The following ZNF704 variants were observed in gnomAD, a reference collection of about 807,000 sequenced individuals.
ZNF704 encodes glucocorticoid induced gene 1.
A neutral mutation model predicts 44.7 loss-of-function variants in ZNF704; 10 were observed. That is an observed-to-expected ratio of 0.22 (90% CI 0.14 to 0.38). ZNF704 has a LOEUF of 0.38. ZNF704 is among the 10% of genes least tolerant of loss of function. The pLI, the probability that ZNF704 is intolerant of heterozygous loss-of-function variation, is 1.00. For missense variants in ZNF704, 390 were observed against 545.5 expected, an observed-to-expected ratio of 0.71 and a Z score of 2.84; for synonymous variants, 211 against 207.6, an observed-to-expected ratio of 1.02 and a Z score of -0.14.
chr8:80,808,666 G>GGAATTC (rs1223534408), intron 2 of ZNF704, among the ~76,000 whole-genome samples: 37 of 152,298 alleles, frequency 2.4e-4, no homozygotes. Context: ...TACAAATGTG[G>GGAATTC]TGCAGCTGTC....
At chr8:80,811,790 C>A (rs567097872) in intron 2 of ZNF704, among the ~76,000 whole-genome samples, 3 of 152,164 alleles carry the variant, frequency 2.0e-5, no homozygotes, top group Non-Finnish European at 4.4e-5. Context: ...TCACCCCCAA[C>A]CCAAGAGTCT....
intron 5 of ZNF704, 64 bp from the exon 6 acceptor site, chr8:80,665,146 C>A: frequency 6.4e-7 from 1 of 1,555,856 alleles, no homozygotes; most frequent in Admixed American, 1.7e-5. Context: ...TGAAATCTTG[C>A]ACATGCATTT....
At chr8:80,674,890 T>TAC (rs1477794172) in intron 4 of ZNF704, among the ~76,000 whole-genome samples, 1 of 152,130 alleles carries the variant, frequency 6.6e-6, no homozygotes, top group African/African-American at 2.4e-5. Context: ...CAAGCAAAAA[T>TAC]ACACGTACCC....
At chr8:80,642,530 C>T (rs540499954) in intron 8 of ZNF704, among the ~76,000 whole-genome samples, 4 of 152,306 alleles carry the variant, frequency 2.6e-5, no homozygotes, top group Admixed American at 1.3e-4. Context: ...TTTCATCACA[C>T]TACTCAGAAT....
intron 2 of ZNF704, among the ~76,000 whole-genome samples, chr8:80,768,586 C>A (rs1000269431): frequency 6.6e-6 from 1 of 152,136 alleles, no homozygotes; most frequent in African/African-American, 2.4e-5. Context: ...AGGGATTAGG[C>A]AGTAACTCAA....
intron 2 of ZNF704, among the ~76,000 whole-genome samples, chr8:80,762,869 CT>C (rs1394596535): frequency 6.6e-6 from 1 of 152,226 alleles, no homozygotes; most frequent in Non-Finnish European, 1.5e-5. Flanking sequence ...TGGATAAATG[CT>C]CCCATTCCAA....
In ZNF704 at chr8:80,669,670, G is replaced by A. The variant is rs532589535; in HGVS notation, c.659+833C>T. 4.6e-5 allele frequency among the ~76,000 whole-genome samples: 7 copies of A among 152,276 alleles called. No homozygotes were observed. The East Asian group carries it at 1.2e-3, about 25-fold the overall frequency. On this transcript the variant is annotated intron_variant, in intron 5 of 8. Transcript: ENST00000327835. ...TTCTCTGCACTTATCTTGTGGAAAG[G>A]ACTCCTCTGTGTCCAAGCACACAGG...
chr8:80,830,518 G>A (rs1808451751), intron 1 of ZNF704, among the ~76,000 whole-genome samples: 1 of 152,274 alleles, frequency 6.6e-6, no homozygotes, highest in East Asian at 1.9e-4. Context: ...TTTTTGGGGT[G>A]ATGGAAATGT....
intron 6 of ZNF704, among the ~76,000 whole-genome samples, 192 bp from the exon 7 acceptor site, chr8:80,659,881 C>T (rs1300483307): frequency 6.6e-6 from 1 of 152,054 alleles, no homozygotes; most frequent in East Asian, 1.9e-4. Flanking sequence ...TATACCTAAG[C>T]AAGCTATCTA....
intron 2 of ZNF704, among the ~76,000 whole-genome samples, chr8:80,806,126 G>A (rs901362308): frequency 4.6e-5 from 7 of 152,184 alleles, no homozygotes; most frequent in African/African-American, 1.2e-4. Flanking sequence ...ACAGAAAGTC[G>A]TGCATGATGA....
At chr8:80,727,577 C>A (rs1048422761) in intron 2 of ZNF704, among the ~76,000 whole-genome samples, 1 of 151,860 alleles carries the variant, frequency 6.6e-6, no homozygotes, top group Non-Finnish European at 1.5e-5. Context: ...TCTTGTTTGG[C>A]GCAGGCAGGC....
Position 80,629,165 on chromosome 8 carries a change from T to C in ZNF704, c.*12201A>G, listed in dbSNP as rs1817546732. The C allele has an allele frequency of 1.3e-5, 2 of 152,094 alleles. No homozygotes were observed. The highest frequency in any genetic ancestry group is 6.6e-5 in the Admixed American group (1 of 15,266). 9.4% of individuals were successfully genotyped at this position (152,094 alleles called of 1,614,324 possible). A position where few individuals can be genotyped will look rare whatever the true frequency, so the allele number is the denominator to read the frequency against. On this transcript the variant is annotated 3_prime_UTR_variant, in exon 9 of 9. Transcript: ENST00000327835. The stretch of plus-strand genomic sequence containing the variant: ...CAACATCATTTAAACATTCAACAAA[T>C]CTATGTACAATGTGCCAGAAGCTGG...
At chr8:80,760,388 T>C (rs764099306) in intron 2 of ZNF704, among the ~76,000 whole-genome samples, 1 of 152,108 alleles carries the variant, frequency 6.6e-6, no homozygotes, top group Non-Finnish European at 1.5e-5. Context: ...CCGGGCACGG[T>C]GGCTCACACC....
At position 80,844,585 on chromosome 8, in the gene ZNF704, C is replaced by T. The variant is rs73264428; in HGVS notation, c.-21-22970G>A. Among the ~76,000 whole-genome samples, 402 of 152,200 alleles carry T rather than the reference C, an allele frequency of 2.6e-3. 2 individuals are homozygous for T. Among genetic ancestry groups the T allele is most frequent in the African/African-American group, 9.1e-3 (378 of 41,528 alleles). On this transcript the variant is annotated intron_variant, in intron 1 of 8. Transcript: ENST00000327835. The stretch of plus-strand genomic sequence containing the variant: ...TCCCTACCACAACAACCAGATAGGG[C>T]GGAGCAGGTGGCTTTACCATTACAC...
intron 7 of ZNF704, chr8:80,658,657 T>C (rs541016006): frequency 1.1e-4 from 17 of 152,258 alleles, no homozygotes; most frequent in Non-Finnish European, 2.2e-4. Context: ...CCTCTAGCAG[T>C]ATGCTTTTTA....
intron 7 of ZNF704, among the ~76,000 whole-genome samples, chr8:80,652,157 C>A (rs1381478683): frequency 6.6e-6 from 1 of 152,180 alleles, no homozygotes; most frequent in Non-Finnish European, 1.5e-5. Flanking sequence ...CTCTGGGTCA[C>A]ATTCAAAGCA....
chr8:80,707,343 TA>T (rs1216396007), intron 2 of ZNF704, among the ~76,000 whole-genome samples: 4 of 152,254 alleles, frequency 2.6e-5, no homozygotes, highest in Admixed American at 2.6e-4. Context: ...GTATTTCCTT[TA>T]TAATATAGAG....
intron 2 of ZNF704, among the ~76,000 whole-genome samples, chr8:80,751,525 T>C (rs905572999): frequency 4.6e-5 from 7 of 152,210 alleles, no homozygotes; most frequent in Non-Finnish European, 7.3e-5. Context: ...CAAATGTACA[T>C]GGAAGATAGT....
chr8:80,744,977 A>T (rs1404074518), intron 2 of ZNF704, among the ~76,000 whole-genome samples: 1 of 152,210 alleles, frequency 6.6e-6, no homozygotes. Context: ...ATGCATTAAA[A>T]ACTGTACTTT....
Sources: allele counts gnomAD v4.1 joint callset (sites outside exome capture counted in the v4.1 genomes callset), GRCh38; gene constraint gnomAD v4.1.1; transcripts MANE v1.5; gene names NCBI Gene and HGNC (gene_info 2026-07-23, HGNC 2026-07-21).